GPD2: variants seen among roughly 807,000 people sequenced by gnomAD.
The protein encoded by GPD2 is glycerol-3-phosphate dehydrogenase, mitochondrial.
GPD2 carries 54 observed loss-of-function variants against 82.4 expected under a neutral mutation model. The observed-to-expected ratio is 0.66, with a 90% CI of 0.53 to 0.82. GPD2 has a LOEUF of 0.82. Among genes scored for constraint, GPD2 ranks in the 40% least tolerant of loss-of-function variants. GPD2 has a pLI of 0.00. For synonymous variants in GPD2, 288 were observed against 306.1 expected (o/e 0.94, Z 0.62); for missense variants, 748 against 896.2 (o/e 0.83, Z 2.11).
chr2:156,520,241 G>A lies in GPD2; in HGVS notation c.661+6745G>A, dbSNP rs558674823. Among the ~76,000 whole-genome samples the A allele has an allele frequency of 9.9e-5, 15 of 152,268 alleles. No homozygotes were observed. The East Asian group carries it at 1.2e-3, about 12-fold the overall frequency. ...GGTGGTTTTTGAAAAAACAACATTCGGGTGGGAAAACAGGGATATGAAGTT... is the reference window on the plus strand; with the variant it reads ...GGTGGTTTTTGAAAAAACAACATTCAGGTGGGAAAACAGGGATATGAAGTT... On this transcript the variant is annotated intron_variant, in intron 6 of 16. Coordinates refer to ENST00000438166, the MANE Select transcript of GPD2 (RefSeq NM_000408.5).
intron 1 of GPD2, among the ~76,000 whole-genome samples, chr2:156,444,645 G>A (rs1204081387): frequency 1.3e-5 from 2 of 152,094 alleles, no homozygotes; most frequent in Admixed American, 6.6e-5. Context: ...GCTGGGAGGT[G>A]GAGGTTGCAG....
intron 6 of GPD2, among the ~76,000 whole-genome samples, chr2:156,530,416 C>T (rs1437459107): frequency 6.6e-6 from 1 of 151,146 alleles, no homozygotes; most frequent in Non-Finnish European, 1.5e-5. Context: ...ACTGAATACC[C>T]TTTATTTCTT....
At chr2:156,493,041 G>C (rs1354793985) in intron 2 of GPD2, among the ~76,000 whole-genome samples, 1 of 152,030 alleles carries the variant, frequency 6.6e-6, no homozygotes, top group African/African-American at 2.4e-5. Flanking sequence ...GATGATATGG[G>C]GTACATAAGA....
chr2:156,446,256 C>T lies in GPD2; in HGVS notation c.-9+9743C>T, dbSNP rs555462099. Among the ~76,000 whole-genome samples the T allele has an allele frequency of 1.1e-4, 16 of 151,650 alleles. No individual in the cohort carries two copies. In the East Asian group the frequency reaches 2.9e-3, roughly 28 times the overall value. ...GATTATAGGCATGTGCCACCATGCC[C>T]GGCTAATATTTGTATTTTTAGTAGA... On this transcript the variant is annotated intron_variant, in intron 1 of 16. Transcript: ENST00000438166.
intron 1 of GPD2, among the ~76,000 whole-genome samples, chr2:156,442,975 A>G (rs1438878499): frequency 6.6e-6 from 1 of 152,068 alleles, no homozygotes; most frequent in East Asian, 1.9e-4. Context: ...AGACTCCTTC[A>G]TTCTCACCCT....
At chr2:156,527,680 TAATG>T (rs1685664743) in intron 6 of GPD2, among the ~76,000 whole-genome samples, 1 of 152,086 alleles carries the variant, frequency 6.6e-6, no homozygotes, top group Non-Finnish European at 1.5e-5. Context: ...AAGTATATAA[TAATG>T]AAAGCAACTA....
At chr2:156,569,242 C>T in intron 10 of GPD2, 121 bp from the exon 11 acceptor site, 1 of 746,662 alleles carries the variant, frequency 1.3e-6, no homozygotes. Context: ...TTAAGTTTTA[C>T]ACAATCCCAT....
At position 156,448,615 on chromosome 2, in the gene GPD2, G is replaced by C. The variant is rs540270217; in HGVS notation, c.-9+12102G>C. 9.6e-4 allele frequency among the ~76,000 whole-genome samples: 146 copies of C among 152,352 alleles called. 1 individual carries two copies. Among genetic ancestry groups the C allele is most frequent in the Non-Finnish European group, 1.5e-3 (105 of 68,034 alleles). On this transcript the variant is annotated intron_variant, in intron 1 of 16. Coordinates refer to ENST00000438166, the MANE Select transcript of GPD2 (RefSeq NM_000408.5). ...TCTCTGAGGACTTGACATTTAAGCTGAGTCGTGAATGACTGGAAGGAGCTT... is the reference window on the plus strand; with the variant it reads ...TCTCTGAGGACTTGACATTTAAGCTCAGTCGTGAATGACTGGAAGGAGCTT...
chr2:156,533,776 T>C (rs1685954013), intron 6 of GPD2, among the ~76,000 whole-genome samples: 1 of 152,220 alleles, frequency 6.6e-6, no homozygotes, highest in Non-Finnish European at 1.5e-5. Flanking sequence ...TCGCAGGATG[T>C]GCAATGGGTG....
intron 3 of GPD2, among the ~76,000 whole-genome samples, chr2:156,509,166 G>C (rs1684895267): frequency 6.6e-6 from 1 of 152,168 alleles, no homozygotes; most frequent in South Asian, 2.1e-4. Context: ...ACCTGGGGCT[G>C]TGATACCTGT....
Position 156,452,380 on chromosome 2 carries a change from C to T in GPD2, c.-9+15867C>T, listed in dbSNP as rs542592809. Among the ~76,000 whole-genome samples, 74 of 152,320 alleles carry T rather than the reference C, an allele frequency of 4.9e-4. 1 individual carries two copies. Among genetic ancestry groups the T allele is most frequent in the African/African-American group, 1.7e-3 (70 of 41,584 alleles). On this transcript the variant is annotated intron_variant, in intron 1 of 16. Transcript: ENST00000438166. ...CAGCCCGGCCAACACAGCAAAACCC[C>T]GTCTCCACCAAAAAAATACAAAAAC...
At position 156,584,102 on chromosome 2, in the gene GPD2, A is replaced by C. The variant is rs1307158844; in HGVS notation, c.*1184A>C. On this transcript the variant is annotated 3_prime_UTR_variant, in exon 17 of 17. Coordinates refer to ENST00000438166, the MANE Select transcript of GPD2 (RefSeq NM_000408.5). ...AACCAAAAACAAAAATGGAAAAATA[A>C]TCACCAACCCCCATCCCGACACACA... 6.6e-6 allele frequency: 1 copy of C among 152,026 alleles called. No homozygotes were observed. The highest frequency in any genetic ancestry group is 1.5e-5 in the Non-Finnish European group (1 of 67,958). 9.4% of individuals were successfully genotyped at this position (152,026 alleles called of 1,614,324 possible).
At chr2:156,570,345 C>T in intron 12 of GPD2, 127 bp downstream of exon 12, 1 of 794,986 alleles carries the variant, frequency 1.3e-6, no homozygotes. Flanking sequence ...ACCAGGACTA[C>T]TATGTCTTTC....
chr2:156,498,559 T>C (rs1481872067), intron 3 of GPD2, among the ~76,000 whole-genome samples: 1 of 152,168 alleles, frequency 6.6e-6, no homozygotes, highest in Non-Finnish European at 1.5e-5. Context: ...ATTGAGGCTA[T>C]ATATGAGAGA....
chr2:156,548,289 A>G (rs1434023011), intron 6 of GPD2, among the ~76,000 whole-genome samples: 1 of 152,234 alleles, frequency 6.6e-6, no homozygotes, highest in Admixed American at 6.5e-5. Context: ...CTGAGTTGAA[A>G]CTATGGAACC....
chr2:156,404,080 G>A, the GPD2 span, among the ~76,000 whole-genome samples: 3 of 152,154 alleles, frequency 2.0e-5, no homozygotes, highest in Non-Finnish European at 4.4e-5. Flanking sequence ...TAAACAATAA[G>A]TGGTGGGCTA....
chr2:156,574,033 T>C (rs975188856), intron 13 of GPD2, among the ~76,000 whole-genome samples: 50 of 152,308 alleles, frequency 3.3e-4, no homozygotes, highest in Non-Finnish European at 2.9e-5. Context: ...TAAAATCTAA[T>C]TGGGTTGTTA....
At chr2:156,544,782 A>C (rs1054397383) in intron 6 of GPD2, among the ~76,000 whole-genome samples, 3 of 152,192 alleles carry the variant, frequency 2.0e-5, no homozygotes, top group African/African-American at 7.2e-5. Context: ...AGCACAGTGT[A>C]TCACCCACAT....
At chr2:156,408,237 T>C in the GPD2 span, among the ~76,000 whole-genome samples, 3 of 152,234 alleles carry the variant, frequency 2.0e-5, no homozygotes, top group East Asian at 5.8e-4. Context: ...TTATAGGCGT[T>C]AGACACTGAG....
Sources: allele counts gnomAD v4.1 joint callset (sites outside exome capture counted in the v4.1 genomes callset), GRCh38; gene constraint gnomAD v4.1.1; transcripts MANE v1.5; gene names NCBI Gene and HGNC (gene_info 2026-07-23, HGNC 2026-07-21).